ADARB2: variants seen among roughly 807,000 people sequenced by gnomAD.
The protein encoded by ADARB2 is inactive double-stranded RNA-specific editase B2.
Under a neutral mutation model 62.2 loss-of-function variants are expected in ADARB2, and 25 were observed. That is an observed-to-expected ratio of 0.40 (90% CI 0.29 to 0.56). ADARB2 has a LOEUF of 0.56. ADARB2 is among the 20% of genes least tolerant of loss of function. The probability of loss-of-function intolerance (pLI) is 0.43; values close to 1 mark genes in which losing one functional copy is unlikely to be tolerated. For synonymous variants in ADARB2, 572 were observed against 500.8 expected (o/e 1.14, Z -1.90); for missense variants, 1,071 against 1,077.4 (o/e 0.99, Z 0.08).
chr10:1,227,597 T>C (rs1436540468), intron 6 of ADARB2, among the ~76,000 whole-genome samples: 1 of 152,194 alleles, frequency 6.6e-6, no homozygotes, highest in African/African-American at 2.4e-5. Context: ...TAGAAAATTG[T>C]TCAAGTGAAT....
intron 1 of ADARB2, among the ~76,000 whole-genome samples, chr10:1,680,327 T>C (rs557861225): frequency 6.6e-6 from 1 of 152,068 alleles, no homozygotes; most frequent in African/African-American, 2.4e-5. Flanking sequence ...CTCCTTTTCC[T>C]CTCCTGCTTG....
At chr10:1,412,171 C>A (rs765090034) in intron 1 of ADARB2, among the ~76,000 whole-genome samples, 1 of 152,064 alleles carries the variant, frequency 6.6e-6, no homozygotes, top group Non-Finnish European at 1.5e-5. Flanking sequence ...AGGCTCGGGA[C>A]GATGCTGGAC....
intron 1 of ADARB2, among the ~76,000 whole-genome samples, chr10:1,499,083 A>G (rs978672948): frequency 1.3e-5 from 2 of 151,890 alleles, no homozygotes; most frequent in African/African-American, 4.8e-5. Flanking sequence ...TTAATCATTC[A>G]GTCATTACTC....
intron 3 of ADARB2, among the ~76,000 whole-genome samples, chr10:1,330,080 C>T (rs1425384380): frequency 6.6e-6 from 1 of 151,960 alleles, no homozygotes; most frequent in South Asian, 2.1e-4. Context: ...GTAGGGAATA[C>T]CTGGATAATC....
At chr10:1,537,898 G>A (rs952361561) in intron 1 of ADARB2, among the ~76,000 whole-genome samples, 1 of 152,198 alleles carries the variant, frequency 6.6e-6, no homozygotes, top group Non-Finnish European at 1.5e-5. Context: ...GTCGACAGGT[G>A]CAGCAAACCC....
intron 1 of ADARB2, among the ~76,000 whole-genome samples, chr10:1,627,012 C>G (rs1296747178): frequency 6.6e-6 from 1 of 152,032 alleles, no homozygotes; most frequent in African/African-American, 2.4e-5. Context: ...CCCACCTTTT[C>G]CCCGGGCCCC....
At chr10:1,383,439 A>G (rs1161543707) in intron 1 of ADARB2, among the ~76,000 whole-genome samples, 2 of 152,048 alleles carry the variant, frequency 1.3e-5, no homozygotes, top group African/African-American at 4.8e-5. Context: ...TATGATTAAA[A>G]AAAAAAAAGC....
chr10:1,490,854 G>A (rs918395041), intron 1 of ADARB2, among the ~76,000 whole-genome samples: 3 of 152,078 alleles, frequency 2.0e-5, no homozygotes, highest in African/African-American at 4.8e-5. Context: ...TGTTTCCAAG[G>A]ACCATACCCC....
chr10:1,607,370 C>T (rs1248719896), intron 1 of ADARB2, among the ~76,000 whole-genome samples: 1 of 152,136 alleles, frequency 6.6e-6, no homozygotes, highest in Non-Finnish European at 1.5e-5. Context: ...TCTGAAGGAC[C>T]CTGAAACTCT....
At chr10:1,422,051 C>T (rs553973738) in intron 1 of ADARB2, among the ~76,000 whole-genome samples, 6 of 152,194 alleles carry the variant, frequency 3.9e-5, no homozygotes, top group South Asian at 2.1e-4. Context: ...GAAGCCCCCA[C>T]CAAAAGGCCC....
At chr10:1,444,380 A>AT (rs1381495897) in intron 1 of ADARB2, among the ~76,000 whole-genome samples, 2 of 141,918 alleles carry the variant, frequency 1.4e-5, no homozygotes, top group African/African-American at 5.4e-5. Flanking sequence ...CCATCCATTC[A>AT]CCATCCATCT....
chr10:1,503,532 A>G (rs952403304), intron 1 of ADARB2, among the ~76,000 whole-genome samples: 3 of 152,094 alleles, frequency 2.0e-5, no homozygotes, highest in Admixed American at 6.5e-5. Context: ...CATTCATTGT[A>G]TCATTTCCTT....
intron 1 of ADARB2, among the ~76,000 whole-genome samples, chr10:1,665,117 A>G (rs945571432): frequency 2.6e-5 from 4 of 152,128 alleles, no homozygotes; most frequent in African/African-American, 4.8e-5. Flanking sequence ...CACTTTTCCC[A>G]CAGGAAGTAC....
chr10:1,184,751 T>C (rs1836727949), intron 9 of ADARB2, 110 bp downstream of exon 9: 6 of 1,246,272 alleles, frequency 4.8e-6, no homozygotes, highest in Non-Finnish European at 6.6e-6. Context: ...CGCTGTGTCG[T>C]GCATCTCCCT....
intron 2 of ADARB2, among the ~76,000 whole-genome samples, chr10:1,373,429 C>T (rs1832391434): frequency 1.3e-5 from 2 of 152,170 alleles, no homozygotes; most frequent in African/African-American, 2.4e-5. Flanking sequence ...AGGGCTCCAG[C>T]TGGTAAACAG....
chr10:1,401,325 C>T (rs145034137), intron 1 of ADARB2, among the ~76,000 whole-genome samples: 3 of 152,178 alleles, frequency 2.0e-5, no homozygotes, highest in African/African-American at 4.8e-5. Context: ...CAGAGCCCTG[C>T]GGGGACCAGG....
chr10:1,256,789 GAAAAGTCTATT>G (rs918739627), intron 4 of ADARB2, among the ~76,000 whole-genome samples: 23 of 152,244 alleles, frequency 1.5e-4, no homozygotes, highest in Non-Finnish European at 2.6e-4. Flanking sequence ...TTAATAGATT[GAAAAGTCTATT>G]AAAAGTCTAT....
At chr10:1,194,179 G>A (rs1345251858) in intron 8 of ADARB2, among the ~76,000 whole-genome samples, 1 of 152,150 alleles carries the variant, frequency 6.6e-6, no homozygotes, top group East Asian at 1.9e-4. Context: ...GCAGTCCCAG[G>A]TATTGCTGGG....
At chr10:1,324,280 C>A (rs1831823322) in intron 3 of ADARB2, among the ~76,000 whole-genome samples, 1 of 152,154 alleles carries the variant, frequency 6.6e-6, no homozygotes, top group Non-Finnish European at 1.5e-5. Context: ...CCGGGTGGGT[C>A]CCTCATGCCT....
Sources: gnomAD v4.1 joint callset for allele counts (sites outside exome capture counted in the v4.1 genomes callset) on GRCh38, gnomAD v4.1.1 for gene constraint, MANE v1.5 for transcripts, NCBI Gene and HGNC (gene_info 2026-07-23, HGNC 2026-07-21) for gene names.